The following ALK variants were observed in gnomAD, a reference collection of about 807,000 sequenced individuals.
The protein encoded by ALK is ALK tyrosine kinase receptor.
ALK carries 74 observed loss-of-function variants against 163.1 expected under a neutral mutation model. The observed-to-expected ratio is 0.45, with a 90% CI of 0.38 to 0.55. The LOEUF is 0.55. Among genes scored for constraint, ALK ranks in the 20% least tolerant of loss-of-function variants. The probability of loss-of-function intolerance (pLI) is 0.00; values close to 1 mark genes in which losing one functional copy is unlikely to be tolerated. For synonymous variants in ALK, 960 were observed against 843.2 expected (o/e 1.14, Z -2.40); for missense variants, 2,063 against 2,105.3 (o/e 0.98, Z 0.39).
intron 4 of ALK, among the ~76,000 whole-genome samples, chr2:29,510,833 G>A (rs893791503): frequency 3.3e-5 from 5 of 152,140 alleles, no homozygotes; most frequent in African/African-American, 1.2e-4. Flanking sequence ...GATGTTTTCT[G>A]AGAAGTCTTC....
chr2:29,494,878 A>ATGTGTGTGTGTGTGTG (rs1558350027), intron 4 of ALK, among the ~76,000 whole-genome samples: 3 of 120,092 alleles, frequency 2.5e-5, no homozygotes, highest in African/African-American at 1.0e-4. Flanking sequence ...GTGTGTGTGC[A>ATGTGTGTGTGTGTGTG]TGCATGTGTA....
At chr2:29,908,929 T>C (rs982486541) in intron 1 of ALK, among the ~76,000 whole-genome samples, 1 of 152,128 alleles carries the variant, frequency 6.6e-6, no homozygotes, top group Non-Finnish European at 1.5e-5. Flanking sequence ...TCATTCAACT[T>C]GGCAAGTGCT....
intron 3 of ALK, among the ~76,000 whole-genome samples, chr2:29,574,745 G>T (rs1380602685): frequency 6.6e-6 from 1 of 152,178 alleles, no homozygotes; most frequent in Non-Finnish European, 1.5e-5. Flanking sequence ...AGGAGGGGAG[G>T]CCGTGCTGAA....
At chr2:29,212,761 C>T (rs1393978950) in intron 24 of ALK, among the ~76,000 whole-genome samples, 1 of 151,176 alleles carries the variant, frequency 6.6e-6, no homozygotes, top group Non-Finnish European at 1.5e-5. Context: ...GGCTGGAGTG[C>T]AATGGCACGA....
At chr2:29,623,322 G>A (rs1272558317) in intron 3 of ALK, among the ~76,000 whole-genome samples, 1 of 152,146 alleles carries the variant, frequency 6.6e-6, no homozygotes, top group Non-Finnish European at 1.5e-5. Context: ...CAATAATAGA[G>A]AAACAGTTAA....
intron 4 of ALK, among the ~76,000 whole-genome samples, chr2:29,407,886 G>C (rs1669626942): frequency 6.6e-6 from 1 of 152,096 alleles, no homozygotes; most frequent in African/African-American, 2.4e-5. Context: ...CTCTGGGTGA[G>C]TGTGGAGCTG....
At chr2:29,628,706 T>G (rs1676269132) in intron 3 of ALK, among the ~76,000 whole-genome samples, 2 of 152,182 alleles carry the variant, frequency 1.3e-5, no homozygotes, top group South Asian at 4.1e-4. Context: ...CTGGCAGAGA[T>G]GAGATTGCAA....
intron 9 of ALK, among the ~76,000 whole-genome samples, chr2:29,277,316 C>T (rs1284114167): frequency 6.6e-6 from 1 of 152,226 alleles, no homozygotes; most frequent in African/African-American, 2.4e-5. Flanking sequence ...GATCTCTGAT[C>T]AACGTGTAGA....
intron 3 of ALK, among the ~76,000 whole-genome samples, chr2:29,639,503 A>G (rs1360553044): frequency 6.6e-6 from 1 of 152,190 alleles, no homozygotes; most frequent in African/African-American, 2.4e-5. Flanking sequence ...CAAACTTACA[A>G]GACTTTGCAC....
chr2:29,280,913 T>C (rs1665700099), intron 9 of ALK, among the ~76,000 whole-genome samples: 1 of 151,502 alleles, frequency 6.6e-6, no homozygotes, highest in Non-Finnish European at 1.5e-5. Flanking sequence ...ATATGCCAGG[T>C]GTACCACTCT....
At chr2:29,671,047 A>T (rs1302439724) in intron 3 of ALK, among the ~76,000 whole-genome samples, 2 of 151,880 alleles carry the variant, frequency 1.3e-5, no homozygotes, top group Admixed American at 6.6e-5. Context: ...GTTCCCTGTT[A>T]GCTGTTGTTT....
intron 1 of ALK, among the ~76,000 whole-genome samples, chr2:29,754,169 C>A (rs1232685483): frequency 6.6e-6 from 1 of 152,216 alleles, no homozygotes; most frequent in East Asian, 1.9e-4. Context: ...CTAGACCATG[C>A]ACCTTTGCAG....
chr2:29,913,056 A>G (rs1449545109), intron 1 of ALK, among the ~76,000 whole-genome samples: 1 of 151,968 alleles, frequency 6.6e-6, no homozygotes, highest in Non-Finnish European at 1.5e-5. Flanking sequence ...ACCTTCCTTT[A>G]GCTTTATTCT....
At chr2:29,898,512 T>C (rs538700253) in intron 1 of ALK, among the ~76,000 whole-genome samples, 1 of 152,218 alleles carries the variant, frequency 6.6e-6, no homozygotes, top group Non-Finnish European at 1.5e-5. Context: ...GGATAATAAT[T>C]AACCTGTAAT....
intron 1 of ALK, among the ~76,000 whole-genome samples, chr2:29,877,822 G>T (rs1250067835): frequency 6.6e-6 from 1 of 152,192 alleles, no homozygotes; most frequent in East Asian, 1.9e-4. Context: ...TCCTAGGGGA[G>T]AATCCAGGAG....
intron 9 of ALK, among the ~76,000 whole-genome samples, chr2:29,281,532 G>A (rs1485884895): frequency 6.6e-6 from 1 of 152,190 alleles, no homozygotes; most frequent in African/African-American, 2.4e-5. Flanking sequence ...CTTCAAAGAG[G>A]ACACTTTTGA....
At chr2:29,781,164 C>T (rs551356528) in intron 1 of ALK, among the ~76,000 whole-genome samples, 99 of 152,282 alleles carry the variant, frequency 6.5e-4, no homozygotes, top group Middle Eastern at 3.4e-3. Context: ...TAAAAGACAC[C>T]CACTTACTAT....
intron 4 of ALK, among the ~76,000 whole-genome samples, chr2:29,448,499 T>C (rs536230148): frequency 3.3e-5 from 5 of 152,204 alleles, no homozygotes; most frequent in Non-Finnish European, 7.3e-5. Flanking sequence ...CAACATTTTT[T>C]ACAGCTGCAT....
intron 5 of ALK, among the ~76,000 whole-genome samples, chr2:29,337,775 A>G (rs1278590903): frequency 6.6e-6 from 1 of 152,068 alleles, no homozygotes; most frequent in African/African-American, 2.4e-5. Context: ...TATTCTCAAG[A>G]GCGCCTTTCG....
Sources: gnomAD v4.1 joint callset for allele counts (sites outside exome capture counted in the v4.1 genomes callset) on GRCh38, gnomAD v4.1.1 for gene constraint, MANE v1.5 for transcripts, NCBI Gene and HGNC (gene_info 2026-07-23, HGNC 2026-07-21) for gene names.